Variants in PRKN observed in about 807,000 individuals in gnomAD.
The protein encoded by PRKN is parkin RBR E3 ubiquitin protein ligase.
In PRKN, 56 loss-of-function variants were observed where a neutral mutation model predicts 59.5. The ratio of observed to expected loss-of-function variants is 0.94; its 90% CI spans 0.76 to 1.18. The LOEUF is 1.18. Ranked by LOEUF, PRKN falls within the 50% of genes most tolerant of loss-of-function variation. The pLI, the probability that PRKN is intolerant of heterozygous loss-of-function variation, is 0.00. For synonymous variants in PRKN, 250 were observed against 222.1 expected (o/e 1.13, Z -1.12); for missense variants, 657 against 596.4 (o/e 1.10, Z -1.06).
At chr6:161,679,527 C>T (rs1004800459) in intron 7 of PRKN, among the ~76,000 whole-genome samples, 18 of 148,158 alleles carry the variant, frequency 1.2e-4, no homozygotes, top group African/African-American at 4.0e-4. Flanking sequence ...CCCGCTTGGG[C>T]TCTTTCTTGG....
rs116375323 is a variant in PRKN at position 161,588,372 on chromosome 6, C to T, written c.872-18956G>A. On this transcript the variant is annotated intron_variant, in intron 7 of 11. Coordinates refer to ENST00000366898, the MANE Select transcript of PRKN (RefSeq NM_004562.3). This position sits in a 1 kb window ranked among gnomAD's most constrained non-coding sequence, Gnocchi z 5.0. ...TCCAGCCTGGGCAACAAGAGCGAAACTCTGTCCCCTCGCCAAAAAAAAAAA... is the reference window on the plus strand; with the variant it reads ...TCCAGCCTGGGCAACAAGAGCGAAATTCTGTCCCCTCGCCAAAAAAAAAAA... Among the ~76,000 whole-genome samples, 3,276 of 123,350 alleles carry T rather than the reference C, an allele frequency of 0.027. 110 individuals carry two copies. Among genetic ancestry groups the T allele is most frequent in the African/African-American group, 0.11 (3,067 of 28,544 alleles). The allele number at this position is 123,350 out of a possible 152,430, so 80.9% of individuals were successfully genotyped here. A position where few individuals can be genotyped will look rare whatever the true frequency, so the allele number is the denominator to read the frequency against.
At chr6:162,139,542 T>C (rs1390155172) in intron 4 of PRKN, among the ~76,000 whole-genome samples, 1 of 152,088 alleles carries the variant, frequency 6.6e-6, no homozygotes, top group Non-Finnish European at 1.5e-5. Flanking sequence ...GGCAGTATGA[T>C]GGAAACACAC....
At chr6:162,184,332 A>T (rs777212995) in intron 4 of PRKN, among the ~76,000 whole-genome samples, 45 of 152,100 alleles carry the variant, frequency 3.0e-4, no homozygotes, top group Non-Finnish European at 1.0e-4. Flanking sequence ...ACATTTACAA[A>T]TTTGGGCTTG....
chr6:162,471,602 CTA>C (rs1791753002), intron 1 of PRKN, among the ~76,000 whole-genome samples: 1 of 152,140 alleles, frequency 6.6e-6, no homozygotes, highest in Non-Finnish European at 1.5e-5. Context: ...ATTTACTAAA[CTA>C]TTAGATATGT....
At chr6:161,930,125 G>A (rs78419504) in intron 6 of PRKN, among the ~76,000 whole-genome samples, 5,941 of 152,192 alleles carry the variant, frequency 0.039, 364 homozygotes, top group African/African-American at 0.14. Flanking sequence ...TCCAGTCCCA[G>A]CTCAAGGAAG....
chr6:162,394,498 T>C (rs866444769), intron 2 of PRKN, among the ~76,000 whole-genome samples: 2 of 152,308 alleles, frequency 1.3e-5, no homozygotes, highest in East Asian at 1.9e-4. Context: ...CTGCAGGCTA[T>C]GAAGGATAGC....
intron 9 of PRKN, among the ~76,000 whole-genome samples, chr6:161,539,629 A>G (rs891859521): frequency 6.6e-6 from 1 of 152,258 alleles, no homozygotes; most frequent in Non-Finnish European, 1.5e-5. Flanking sequence ...GAAAAAAAGT[A>G]ATTCATAAAC....
intron 1 of PRKN, among the ~76,000 whole-genome samples, chr6:162,662,289 G>A (rs987044588): frequency 1.3e-5 from 2 of 150,106 alleles, no homozygotes; most frequent in African/African-American, 4.9e-5. Flanking sequence ...TTCTTGTTGA[G>A]TTGTTTGAGT....
At chr6:162,409,145 A>G (rs1788221318) in intron 2 of PRKN, among the ~76,000 whole-genome samples, 1 of 151,116 alleles carries the variant, frequency 6.6e-6, no homozygotes, top group Admixed American at 6.6e-5. Flanking sequence ...GGGAATAGTA[A>G]CTCCCTCCCT....
intron 7 of PRKN, among the ~76,000 whole-genome samples, chr6:161,724,791 T>C (rs1787370876): frequency 6.6e-6 from 1 of 152,224 alleles, no homozygotes; most frequent in Non-Finnish European, 1.5e-5. Context: ...TAAAGTTTAA[T>C]TGTGGGTGAT....
intron 9 of PRKN, among the ~76,000 whole-genome samples, chr6:161,531,658 G>A (rs559405728): frequency 9.9e-5 from 15 of 152,262 alleles, no homozygotes; most frequent in South Asian, 4.1e-4. Context: ...CGCTGCAAAC[G>A]TGTAGGGGAT....
intron 7 of PRKN, among the ~76,000 whole-genome samples, chr6:161,685,702 C>T (rs975807160): frequency 5.9e-5 from 9 of 152,080 alleles, no homozygotes; most frequent in East Asian, 3.9e-4. Flanking sequence ...ATACCACTGG[C>T]GAGGGACTCT....
intron 3 of PRKN, among the ~76,000 whole-genome samples, chr6:162,253,527 G>A (rs904516975): frequency 2.6e-5 from 4 of 152,138 alleles, no homozygotes; most frequent in African/African-American, 4.8e-5. Flanking sequence ...TATGCTAACC[G>A]TATTAATTAA....
intron 6 of PRKN, among the ~76,000 whole-genome samples, chr6:161,885,508 CA>C (rs964287373): frequency 7.2e-5 from 11 of 151,800 alleles, no homozygotes; most frequent in East Asian, 3.9e-4. Context: ...ACTAAAAATA[CA>C]AAAAAATTAG....
chr6:162,111,622 G>T (rs1384604722), intron 4 of PRKN, among the ~76,000 whole-genome samples: 1 of 151,990 alleles, frequency 6.6e-6, no homozygotes, highest in Non-Finnish European at 1.5e-5. Flanking sequence ...GAAGGCAAGT[G>T]GGTCAAAAGA....
At chr6:162,126,829 T>C (rs77134679) in intron 4 of PRKN, among the ~76,000 whole-genome samples, 7,309 of 151,966 alleles carry the variant, frequency 0.048, 217 homozygotes, top group Admixed American at 0.076. Flanking sequence ...TGTTTGTTTG[T>C]TTGCTTTTCC....
chr6:162,126,226 A>G lies in PRKN; in HGVS notation c.535-72052T>C, dbSNP rs528103424. 2.0e-5 allele frequency among the ~76,000 whole-genome samples: 3 copies of G among 152,288 alleles called. No homozygotes were observed. The East Asian group carries it at 5.8e-4, about 29-fold the overall frequency. ...ACCGAGACACAGAGTTCTCATTCTC[A>G]TTCCCAATGGGAAGCAGCACTAAAC... On this transcript the variant is annotated intron_variant, in intron 4 of 11. Transcript: ENST00000366898.
At position 161,712,785 on chromosome 6, in the gene PRKN, GAAAACA is replaced by G. The variant is rs369052586; in HGVS notation, c.871+72981_871+72986del. Among the ~76,000 whole-genome samples the G allele has an allele frequency of 3.3e-5, 5 of 151,790 alleles. No individual in the cohort carries two copies. The East Asian group carries it at 5.8e-4, about 18-fold the overall frequency. On this transcript the variant is annotated intron_variant, in intron 7 of 11. Coordinates refer to ENST00000366898, the MANE Select transcript of PRKN (RefSeq NM_004562.3). ...TCCACCATATCTGTTCTGGAATAAGGAAAACAAAAACAAAAACAAAAACAAACTGTT... is the reference window on the plus strand; with the variant it reads ...TCCACCATATCTGTTCTGGAATAAGGAAAACAAAAACAAAAACAAACTGTT...
intron 1 of PRKN, among the ~76,000 whole-genome samples, chr6:162,487,110 C>T (rs9365449): frequency 0.047 from 7,070 of 152,014 alleles, 236 homozygotes; most frequent in East Asian, 0.12. Flanking sequence ...AGGAAAAAAA[C>T]GCATAATCAC....
Sources: allele counts gnomAD v4.1 joint callset (sites outside exome capture counted in the v4.1 genomes callset), GRCh38; gene constraint gnomAD v4.1.1; non-coding constraint Gnocchi (gnomAD v3.1); transcripts MANE v1.5; gene names NCBI Gene and HGNC (gene_info 2026-07-23, HGNC 2026-07-21).